Variants in RCOR3 observed in about 807,000 individuals in gnomAD.
The protein encoded by RCOR3 is REST corepressor 3.
In RCOR3, 13 loss-of-function variants were observed where a neutral mutation model predicts 64.1. The ratio of observed to expected loss-of-function variants is 0.20; its 90% CI spans 0.13 to 0.32. The LOEUF (loss-of-function observed/expected upper bound fraction) is 0.32, where lower values mean the gene tolerates loss of function less well. Among genes scored for constraint, RCOR3 ranks in the 10% least tolerant of loss-of-function variants. The probability of loss-of-function intolerance (pLI) is 1.00; values close to 1 mark genes in which losing one functional copy is unlikely to be tolerated. For synonymous variants in RCOR3, 215 were observed against 239.0 expected (o/e 0.90, Z 0.93); for missense variants, 489 against 701.2 (o/e 0.70, Z 3.42).
chr1:211,313,690 G>T lies in RCOR3; in HGVS notation c.1584G>T (p.Pro528=). 1 of 1,614,134 alleles carries T rather than the reference G, an allele frequency of 6.2e-7. No individual in the cohort carries two copies. Among genetic ancestry groups the T allele is most frequent in the Non-Finnish European group, 8.5e-7 (1 of 1,180,030 alleles). ...TGCCACCCCGTCTAAACCCAAGACC[G>T]GTGTTGTCCACGGTTGGTGGTCAAC... ...NSMPPRLNPR[P]VLSTVGGQQP... Residue 528 remains proline, a synonymous_variant, in exon 12 of 12, where the codon CCG becomes CCT. Transcript: ENST00000419091. The surrounding 1 kb of genome is among the most constrained non-coding windows in gnomAD (Gnocchi z 4.7).
intron 10 of RCOR3, among the ~76,000 whole-genome samples, chr1:211,310,442 C>G (rs530963378): frequency 1.3e-5 from 2 of 152,240 alleles, no homozygotes; most frequent in East Asian, 1.9e-4. Context: ...ACAGTGTGGT[C>G]TGAGCTTTAA....
intron 10 of RCOR3, among the ~76,000 whole-genome samples, chr1:211,309,641 GC>G (rs1701288251): frequency 6.6e-6 from 1 of 152,154 alleles, no homozygotes. Flanking sequence ...TATGGTTCAA[GC>G]ATACCTTTTA....
Position 211,259,457 on chromosome 1 carries a change from C to G in RCOR3, c.-104C>G. 2.2e-6 allele frequency: 2 copies of G among 915,642 alleles called. No individual in the cohort carries two copies. The highest frequency in any genetic ancestry group is 2.0e-5 in the South Asian group (1 of 50,334). 56.7% of individuals were successfully genotyped at this position (915,642 alleles called of 1,614,324 possible). The stretch of plus-strand genomic sequence containing the variant: ...CCTCCTCCTCCGCCGCCGCCGCCGT[C>G]TCCTCCTCCTCCTCCTTTCCCTCCC... On this transcript the variant is annotated 5_prime_UTR_variant, in exon 1 of 12. Transcript: ENST00000419091.
chr1:211,313,758 C>T lies in RCOR3; in HGVS notation c.1652C>T (p.Ser551Leu). The change falls in exon 12 of 12, where the codon TCA (serine) becomes TTA (leucine). Residue 551 changes from serine (S) to leucine (L), a missense_variant. By Grantham distance (145) the Ser-to-Leu change is moderately radical. Coordinates refer to ENST00000419091, the MANE Select transcript of RCOR3 (RefSeq NM_001136223.3). The surrounding 1 kb of genome is among the most constrained non-coding windows in gnomAD (Gnocchi z 4.7). Reference sequence around the variant, plus strand: ...GGAATTCAGACAGATTCACAGTCCTCACTGCACTAAAAATTAAATTGGACA... The same window carrying T: ...GGAATTCAGACAGATTCACAGTCCTTACTGCACTAAAAATTAAATTGGACA... ...LIGIQTDSQS[S>L]LH 6.2e-7 allele frequency: 1 copy of T among 1,612,938 alleles called. No homozygotes were observed. The highest frequency in any genetic ancestry group is 8.5e-7 in the Non-Finnish European group (1 of 1,178,954).
chr1:211,272,226 A>G (rs1235999494), intron 3 of RCOR3, among the ~76,000 whole-genome samples: 2 of 152,192 alleles, frequency 1.3e-5, no homozygotes, highest in East Asian at 1.9e-4. Flanking sequence ...AAGCATTCCT[A>G]ACAGAAAACA....
At chr1:211,276,641 A>G (rs1031582085) in intron 5 of RCOR3, among the ~76,000 whole-genome samples, 1 of 152,224 alleles carries the variant, frequency 6.6e-6, no homozygotes, top group Non-Finnish European at 1.5e-5. Flanking sequence ...GACTTAAATA[A>G]CATGTAATAA....
chr1:211,294,692 C>G (rs1039545890), intron 8 of RCOR3, among the ~76,000 whole-genome samples: 5 of 151,548 alleles, frequency 3.3e-5, no homozygotes, highest in Non-Finnish European at 7.4e-5. Flanking sequence ...TGGGTTCACG[C>G]CATTCTGCTG....
intron 2 of RCOR3, chr1:211,267,931 G>A (rs1180403485): frequency 6.0e-6 from 2 of 333,758 alleles, no homozygotes; most frequent in Non-Finnish European, 1.2e-5. Context: ...TTTAAAAAAA[G>A]TTTAATATCT....
chr1:211,275,923 T>C (rs1696893605), intron 4 of RCOR3, among the ~76,000 whole-genome samples: 1 of 152,208 alleles, frequency 6.6e-6, no homozygotes, highest in South Asian at 2.1e-4. Context: ...AGCAAATTTT[T>C]TCCTACATAT....
At position 211,263,862 on chromosome 1, in the gene RCOR3, C is replaced by T. The variant is rs184495695; in HGVS notation, c.223+3698C>T. On this transcript the variant is annotated intron_variant, in intron 2 of 11. Coordinates refer to ENST00000419091, the MANE Select transcript of RCOR3 (RefSeq NM_001136223.3). ...TTTAGGCAGAGTCTTGCTCTGTCCCCCAGGCTGGAGTGCAGTGGTGCGATC... is the reference window on the plus strand; with the variant it reads ...TTTAGGCAGAGTCTTGCTCTGTCCCTCAGGCTGGAGTGCAGTGGTGCGATC... 4.5e-4 allele frequency among the ~76,000 whole-genome samples: 69 copies of T among 152,038 alleles called. 1 individual carries two copies. Among genetic ancestry groups the T allele is most frequent in the African/African-American group, 1.6e-3 (65 of 41,476 alleles).
chr1:211,268,242 T>C (rs1034572056), intron 2 of RCOR3, among the ~76,000 whole-genome samples: 3 of 152,110 alleles, frequency 2.0e-5, no homozygotes, highest in Admixed American at 6.5e-5. Context: ...TTAAATAGGA[T>C]TTTTGTTTTA....
intron 2 of RCOR3, among the ~76,000 whole-genome samples, chr1:211,270,156 T>C (rs2102462691): frequency 6.6e-6 from 1 of 151,282 alleles, no homozygotes; most frequent in Non-Finnish European, 1.5e-5. Flanking sequence ...CTCTGCCTCC[T>C]GGGTTCAAGC....
At chr1:211,260,069 TTTTA>T in intron 1 of RCOR3, 35 bp from the exon 2 acceptor site, 1 of 1,532,452 alleles carries the variant, frequency 6.5e-7, no homozygotes, top group Non-Finnish European at 8.7e-7. Context: ...TTTTCTTCTT[TTTTA>T]TTTTTTATAT....
intron 9 of RCOR3, chr1:211,301,520 C>T (rs563343569): frequency 6.6e-6 from 1 of 152,276 alleles, no homozygotes; most frequent in South Asian, 2.1e-4. Flanking sequence ...TGGCCCTTAT[C>T]GTATTTTAAT....
At chr1:211,287,784 G>C (rs1698726197) in intron 7 of RCOR3, among the ~76,000 whole-genome samples, 2 of 152,166 alleles carry the variant, frequency 1.3e-5, no homozygotes, top group Admixed American at 6.5e-5. Flanking sequence ...CAGAGGCTGA[G>C]GCAGGAGAAT....
At position 211,259,625 on chromosome 1, in the gene RCOR3, C is replaced by T; in HGVS notation, c.65C>T (p.Ala22Val). The change falls in exon 1 of 12, where the codon GCC becomes GTC. Residue 22 changes from alanine (A) to valine (V), a missense_variant. Physicochemically the swap from Ala to Val is moderately conservative, Grantham distance 64. Around this residue, in one of 2 missense-constraint regions of RCOR3, gnomAD observed 87 missense variants for 84.3 expected, o/e 1.03. Coordinates refer to ENST00000419091, the MANE Select transcript of RCOR3 (RefSeq NM_001136223.3). ...AAGAACCGATCGGCCAACGGCAGCG[C>T]CAAGAGCCCGGCAGGCGGCGGCGGC... ...LGKNRSANGS[A>V]KSPAGGGGSG... The T allele has an allele frequency of 1.3e-6, 2 of 1,548,138 alleles. No homozygotes were observed. Among genetic ancestry groups the T allele is most frequent in the Non-Finnish European group, 1.7e-6 (2 of 1,145,838 alleles).
chr1:211,285,108 C>G (rs1393058285), intron 7 of RCOR3, among the ~76,000 whole-genome samples: 1 of 152,152 alleles, frequency 6.6e-6, no homozygotes, highest in East Asian at 1.9e-4. Context: ...CTTTTGATTT[C>G]CTATATAGTG....
intron 7 of RCOR3, 57 bp downstream of exon 7, chr1:211,279,373 T>G (rs1697459676): frequency 7.6e-7 from 1 of 1,318,110 alleles, no homozygotes; most frequent in Admixed American, 1.8e-5. Flanking sequence ...TGAAAAAGAA[T>G]GAACAGTACT....
At chr1:211,293,086 A>AAATAAATAAATAAAT (rs1699433059) in intron 8 of RCOR3, among the ~76,000 whole-genome samples, 1 of 142,966 alleles carries the variant, frequency 7.0e-6, no homozygotes, top group African/African-American at 2.6e-5. Context: ...TCTGTCTCCA[A>AAATAAATAAATAAAT]AAATAAATAA....
Sources: gnomAD v4.1 joint callset for allele counts (sites outside exome capture counted in the v4.1 genomes callset) on GRCh38, gnomAD v4.1.1 for gene constraint, gnomAD v4.1.1 regional missense constraint, Gnocchi (gnomAD v3.1) non-coding constraint, MANE v1.5 for transcripts, NCBI Gene and HGNC (gene_info 2026-07-23, HGNC 2026-07-21) for gene names.